RPS28: variants seen among roughly 807,000 people sequenced by gnomAD.
RPS28 encodes small ribosomal subunit protein eS28.
A neutral mutation model predicts 9.4 loss-of-function variants in RPS28; 2 were observed. The observed-to-expected ratio is 0.21, with a 90% confidence interval of 0.09 to 0.67. The LOEUF (loss-of-function observed/expected upper bound fraction) is 0.67. Among genes scored for constraint, RPS28 ranks in the 30% least tolerant of loss-of-function variants. RPS28 has a pLI of 0.82. For missense variants in RPS28, 35 were observed against 95.3 expected (o/e 0.37, Z 2.63); for synonymous variants, 41 against 37.8 (o/e 1.08, Z -0.31).
chr19:8,321,767 G>A, intron 2 of RPS28, 64 bp downstream of exon 2: 2 of 1,527,304 alleles, frequency 1.3e-6, no homozygotes, highest in Middle Eastern at 1.7e-4. Context: ...CCTCTACCCT[G>A]CCCTAACCCC....
At chr19:8,321,819 G>A (rs1970321379) in intron 2 of RPS28, 116 bp downstream of exon 2, 2 of 1,487,106 alleles carry the variant, frequency 1.3e-6, no homozygotes, top group Non-Finnish European at 1.8e-6. Flanking sequence ...TTCATCACGG[G>A]GTTCTGATGG....
chr19:8,322,559 CTCT>C lies in RPS28; in HGVS notation c.*305_*307del. 1 of 517,870 alleles carries C rather than the reference CTCT, an allele frequency of 1.9e-6. No individual in the cohort carries two copies. 32.1% of individuals were successfully genotyped at this position (517,870 alleles called of 1,614,324 possible). On this transcript the variant is annotated 3_prime_UTR_variant, in exon 4 of 4. Coordinates refer to ENST00000600659, the MANE Select transcript of RPS28 (RefSeq NM_001031.5). The stretch of plus-strand genomic sequence containing the variant: ...GGGGGTCGTGTTTGTCGATTGCACC[CTCT>C]ACCCCAAACAAAACACAAGCGTAGT...
In RPS28 at chr19:8,321,528, A is replaced by C. The variant is rs764178834; in HGVS notation, c.-3A>C. ...TCCGCCAGACCGCCGCCGCGCCGCC[A>C]TCATGGACACCAGCCGTGTGCAGCC... On this transcript the variant is annotated 5_prime_UTR_variant, in exon 1 of 4. Coordinates refer to ENST00000600659, the MANE Select transcript of RPS28 (RefSeq NM_001031.5). The C allele has an allele frequency of 1.2e-5, 19 of 1,586,162 alleles. No individual in the cohort carries two copies. Among genetic ancestry groups the C allele is most frequent in the East Asian group, 6.9e-5 (3 of 43,650 alleles).
chr19:8,321,779 G>C (rs1017162404), intron 2 of RPS28, 76 bp downstream of exon 2: 1 of 1,520,472 alleles, frequency 6.6e-7, no homozygotes, highest in Non-Finnish European at 8.9e-7. Flanking sequence ...CCTAACCCCT[G>C]CCAGCCGGAA....
intron 2 of RPS28, 39 bp from the exon 3 acceptor site, chr19:8,321,914 C>A (rs745452809): frequency 2.5e-6 from 4 of 1,609,366 alleles, no homozygotes; most frequent in African/African-American, 1.3e-5. Context: ...TTCCGCGGCC[C>A]GCCCTTACTT....
intron 2 of RPS28, 60 bp downstream of exon 2, chr19:8,321,763 C>A: frequency 6.5e-7 from 1 of 1,528,796 alleles, no homozygotes; most frequent in South Asian, 1.2e-5. Context: ...GTGACCTCTA[C>A]CCTGCCCTAA....
At position 8,322,033 on chromosome 19, in the gene RPS28, C is replaced by A. The variant is rs1322688609; in HGVS notation, c.168C>A (p.Leu56=). Reference sequence around the variant, plus strand: ...GCCCCGTGCGCGAGGGCGACGTGCTCACCCTTTTGGAGTCAGAGCGAGAAG... The same window carrying A: ...GCCCCGTGCGCGAGGGCGACGTGCTAACCCTTTTGGAGTCAGAGCGAGAAG... ...VKGPVREGDV[L]TLLESEREAR... Residue 56 remains leucine, a synonymous_variant, in exon 3 of 4, where the codon CTC becomes CTA. Coordinates refer to ENST00000600659, the MANE Select transcript of RPS28 (RefSeq NM_001031.5). The A allele has an allele frequency of 2.0e-5, 33 of 1,613,028 alleles. No individual in the cohort carries two copies. The highest frequency in any genetic ancestry group is 2.7e-5 in the Non-Finnish European group (32 of 1,179,660).
rs1178254105 is a variant in RPS28, at chr19:8,322,339, T to G, written c.*84T>G. The G allele has an allele frequency of 1.6e-6, 1 of 643,098 alleles. No individual in the cohort carries two copies. The highest frequency in any genetic ancestry group is 1.5e-5 in the South Asian group (1 of 66,218). The allele number at this position is 643,098 out of a possible 1,614,324, so 39.8% of individuals were successfully genotyped here. On this transcript the variant is annotated 3_prime_UTR_variant, in exon 4 of 4. Transcript: ENST00000600659. Reference sequence around the variant, plus strand: ...TCTGTCACAGTCTGCTCCTTTTTTTTGTCCGCCACACGTAACTGAGATGCT... The same window carrying G: ...TCTGTCACAGTCTGCTCCTTTTTTTGGTCCGCCACACGTAACTGAGATGCT...
chr19:8,321,537 A>T lies in RPS28; in HGVS notation c.7A>T (p.Thr3Ser). MD[T>S]SRVQPIKLAR... Reference sequence around the variant, plus strand: ...CCGCCGCCGCGCCGCCATCATGGACACCAGCCGTGTGCAGCCTATCAAGCT... The same window carrying T: ...CCGCCGCCGCGCCGCCATCATGGACTCCAGCCGTGTGCAGCCTATCAAGCT... Residue 3 changes from threonine (T) to serine (S), a missense_variant, in exon 1 of 4, where the codon ACC (threonine) becomes TCC (serine). Coordinates refer to ENST00000600659, the MANE Select transcript of RPS28 (RefSeq NM_001031.5). 1 of 1,586,844 alleles carries T rather than the reference A, an allele frequency of 6.3e-7. No homozygotes were observed. Among genetic ancestry groups the T allele is most frequent in the Non-Finnish European group, 8.6e-7 (1 of 1,168,632 alleles).
Position 8,321,937 on chromosome 19 carries a change from C to T in RPS28, c.88-16C>T. 6 of 1,611,330 alleles carry T rather than the reference C, an allele frequency of 3.7e-6. No homozygotes were observed. The highest frequency in any genetic ancestry group is 1.7e-4 in the Middle Eastern group (1 of 5,978). ...CCCGCCCTTACTTCTTCCTCCACTC[C>T]GGTGGGGACCCGTAGGTGCGCGTGG... On this transcript the variant is annotated splice_polypyrimidine_tract_variant and intron_variant, in intron 2 of 3. Coordinates refer to ENST00000600659, the MANE Select transcript of RPS28 (RefSeq NM_001031.5).
chr19:8,322,773 CA>C lies in RPS28; in HGVS notation c.*521del. The C allele has an allele frequency of 7.8e-7, 1 of 1,286,822 alleles. No homozygotes were observed. Among genetic ancestry groups the C allele is most frequent in the Non-Finnish European group, 1.1e-6 (1 of 898,084 alleles). The allele number at this position is 1,286,822 out of a possible 1,614,324, so 79.7% of individuals were successfully genotyped here. A position where few individuals can be genotyped will look rare whatever the true frequency, so the allele number is the denominator to read the frequency against. On this transcript the variant is annotated 3_prime_UTR_variant, in exon 4 of 4. Transcript: ENST00000600659. Reference sequence around the variant, plus strand: ...GGGGACCCTGGACCCTTCTGTGCGCCAAAGGCTGAGGTGACTGACGAGGAGA... The same window carrying C: ...GGGGACCCTGGACCCTTCTGTGCGCCAAGGCTGAGGTGACTGACGAGGAGA...
chr19:8,321,627 C>T (rs1365888032), intron 1 of RPS28, 29 bp from the exon 2 acceptor site: 3 of 1,553,004 alleles, frequency 1.9e-6, no homozygotes, highest in East Asian at 4.5e-5. Flanking sequence ...CCAAACGGGC[C>T]GGGTCTGAAC....
At position 8,322,899 on chromosome 19, in the gene RPS28, C is replaced by A; in HGVS notation, c.*644C>A. On this transcript the variant is annotated 3_prime_UTR_variant, in exon 4 of 4. Coordinates refer to ENST00000600659, the MANE Select transcript of RPS28 (RefSeq NM_001031.5). ...ATTCTCCTTCACCAGGTGTGGCTGT[C>A]TGGGAGCCAGGGGGTGACTCGCTCT... The A allele has an allele frequency of 6.4e-7, 1 of 1,554,982 alleles. No homozygotes were observed. The highest frequency in any genetic ancestry group is 1.4e-5 in the African/African-American group (1 of 71,782).
Position 8,322,913 on chromosome 19 carries a change from G to A in RPS28, c.*658G>A. The A allele has an allele frequency of 1.9e-6, 3 of 1,539,372 alleles. 1 individual carries two copies. In the South Asian group the frequency reaches 3.6e-5, roughly 19 times the overall value. On this transcript the variant is annotated 3_prime_UTR_variant, in exon 4 of 4. Transcript: ENST00000600659. ...GGTGTGGCTGTCTGGGAGCCAGGGG[G>A]TGACTCGCTCTGGAGAGAGGGGAAA...
rs192743348 is a variant in RPS28, at chr19:8,322,268, A to G, written c.*17-4A>G. ...CAACATCTCATGTTTGGGTCTGTTTACAGGGTCTTGGATGTCGGGTTCGAC... is the reference window on the plus strand; with the variant it reads ...CAACATCTCATGTTTGGGTCTGTTTGCAGGGTCTTGGATGTCGGGTTCGAC... On this transcript the variant is annotated splice_region_variant and splice_polypyrimidine_tract_variant and intron_variant, in intron 3 of 3. Transcript: ENST00000600659. 1.6e-5 allele frequency: 12 copies of G among 759,748 alleles called. No homozygotes were observed. The highest frequency in any genetic ancestry group is 1.2e-4 in the Admixed American group (6 of 49,788). The allele number at this position is 759,748 out of a possible 1,614,324, so 47.1% of individuals were successfully genotyped here.
At position 8,321,542 on chromosome 19, in the gene RPS28, C is replaced by G; in HGVS notation, c.12C>G (p.Ser4Arg). MDT[S>R]RVQPIKLARV... ...GCCGCGCCGCCATCATGGACACCAGCCGTGTGCAGCCTATCAAGCTGGCCA... is the reference window on the plus strand; with the variant it reads ...GCCGCGCCGCCATCATGGACACCAGGCGTGTGCAGCCTATCAAGCTGGCCA... Residue 4 changes from serine (S) to arginine (R), a missense_variant, in exon 1 of 4, where the codon AGC becomes AGG. Physicochemically the swap from Ser to Arg is moderately radical, Grantham distance 110. Around this residue, in one of 2 missense-constraint regions of RPS28, gnomAD observed 25 missense variants for 32.5 expected, o/e 0.77. Transcript: ENST00000600659. The G allele has an allele frequency of 6.3e-7, 1 of 1,587,840 alleles. No homozygotes were observed. Among genetic ancestry groups the G allele is most frequent in the Non-Finnish European group, 8.6e-7 (1 of 1,168,910 alleles).
chr19:8,322,476 C>A lies in RPS28; in HGVS notation c.*221C>A, dbSNP rs557973774. On this transcript the variant is annotated 3_prime_UTR_variant, in exon 4 of 4. Transcript: ENST00000600659. ...CTCCCAGGCGGTCACCGATCCTCCGCACTCTGGAAATCCTGGCCGTGCGGT... is the reference window on the plus strand; with the variant it reads ...CTCCCAGGCGGTCACCGATCCTCCGAACTCTGGAAATCCTGGCCGTGCGGT... 34 of 522,820 alleles carry A rather than the reference C, an allele frequency of 6.5e-5. No homozygotes were observed. In the East Asian group the frequency reaches 1.5e-3, roughly 23 times the overall value. 32.4% of individuals were successfully genotyped at this position (522,820 alleles called of 1,614,324 possible). A position where few individuals can be genotyped will look rare whatever the true frequency, so the allele number is the denominator to read the frequency against.
rs748042865 is a variant in RPS28, at chr19:8,322,084, G to T, written c.*9G>T. On this transcript the variant is annotated 3_prime_UTR_variant, in exon 3 of 4. Transcript: ENST00000600659. ...CCCGGAGGTTGCGCTGAGCTTGGCT[G>T]CTCGCTGGTGGGTGCAAAGAGGACA... 9.3e-6 allele frequency: 15 copies of T among 1,611,152 alleles called. No homozygotes were observed. In the East Asian group the frequency reaches 2.5e-4, roughly 26 times the overall value.
Position 8,321,672 on chromosome 19 carries a change from G to T in RPS28, c.56G>T (p.Gly19Val). 6.4e-7 allele frequency: 1 copy of T among 1,564,444 alleles called. No individual in the cohort carries two copies. Among genetic ancestry groups the T allele is most frequent in the Non-Finnish European group, 8.7e-7 (1 of 1,154,936 alleles). Residue 19 changes from glycine (G) to valine (V), a missense_variant, in exon 2 of 4, where the codon GGC becomes GTC. Transcript: ENST00000600659. ...TTCCTCCAGGTCACCAAGGTCCTGG[G>T]CAGGACCGGTTCTCAGGGACAGTGC... Reference protein sequence around the residue: ...IKLARVTKVLGRTGSQGQCTQ... With the variant: ...IKLARVTKVLVRTGSQGQCTQ...
Sources: gnomAD v4.1 joint callset for allele counts on GRCh38, gnomAD v4.1.1 for gene constraint, gnomAD v4.1.1 regional missense constraint, MANE v1.5 for transcripts, NCBI Gene and HGNC (gene_info 2026-07-23, HGNC 2026-07-21) for gene names.